The following PAPSS1 variants were observed in gnomAD, a reference collection of about 807,000 sequenced individuals.
PAPSS1 encodes bifunctional 3'-phosphoadenosine 5'-phosphosulfate synthase 1.
A neutral mutation model predicts 72.0 loss-of-function variants in PAPSS1; 50 were observed. The ratio of observed to expected loss-of-function variants is 0.69; its 90% confidence interval spans 0.55 to 0.88. PAPSS1 has a LOEUF of 0.88. Among genes scored for constraint, PAPSS1 ranks in the 40% least tolerant of loss-of-function variants. The pLI is 0.00. For missense variants in PAPSS1, 657 were observed against 782.2 expected, an observed-to-expected ratio of 0.84 and a Z score of 1.91; for synonymous variants, 261 against 263.6, an observed-to-expected ratio of 0.99 and a Z score of 0.09.
chr4:107,656,807 C>T (rs1045306483), intron 7 of PAPSS1, 89 bp downstream of exon 7: 3 of 884,060 alleles, frequency 3.4e-6, no homozygotes, highest in Admixed American at 3.6e-5. Flanking sequence ...AGACGTTACC[C>T]TACTACTTTT....
chr4:107,720,030 G>A (rs1723739641), intron 1 of PAPSS1, 90 bp downstream of exon 1: 6 of 1,560,940 alleles, frequency 3.8e-6, no homozygotes, highest in East Asian at 2.5e-5. Context: ...GGATGGATGC[G>A]GAGGAGGCGG....
intron 2 of PAPSS1, chr4:107,694,387 T>C: frequency 5.8e-6 from 1 of 173,688 alleles, no homozygotes; most frequent in Non-Finnish European, 1.2e-5. Context: ...TCTTTAAGAT[T>C]TACCTCTTGC....
intron 7 of PAPSS1, among the ~76,000 whole-genome samples, chr4:107,656,647 T>C (rs1390413017): frequency 6.6e-6 from 1 of 152,122 alleles, no homozygotes; most frequent in Non-Finnish European, 1.5e-5. Flanking sequence ...TGTTTTACAA[T>C]CCATCCTCAG....
At chr4:107,636,134 A>C (rs1286836351) in intron 10 of PAPSS1, among the ~76,000 whole-genome samples, 1 of 152,214 alleles carries the variant, frequency 6.6e-6, no homozygotes, top group Non-Finnish European at 1.5e-5. Context: ...AAGCAATTTC[A>C]ATTCCAGAAA....
At position 107,654,911 on chromosome 4, in the gene PAPSS1, CA is replaced by C. The variant is rs751438481; in HGVS notation, c.896-12del. ...AGTTAATGACACCTCCTGCAGAGCA[CA>C]AAAGAACATGAAGCACACAGCTTGA... On this transcript the variant is annotated splice_polypyrimidine_tract_variant and intron_variant, in intron 7 of 11. Transcript: ENST00000265174. 7.5e-4 allele frequency: 1,206 copies of C among 1,604,280 alleles called. No individual in the cohort carries two copies. The highest frequency in any genetic ancestry group is 9.2e-4 in the Non-Finnish European group (1,077 of 1,172,020).
At chr4:107,622,528 G>T (rs1725991809) in intron 11 of PAPSS1, among the ~76,000 whole-genome samples, 2 of 152,098 alleles carry the variant, frequency 1.3e-5, no homozygotes, top group African/African-American at 4.8e-5. Flanking sequence ...TCAAAAGAGG[G>T]GCTTATGAAA....
chr4:107,660,269 C>T (rs1727143075), intron 5 of PAPSS1, among the ~76,000 whole-genome samples, 197 bp from the exon 6 acceptor site: 1 of 152,020 alleles, frequency 6.6e-6, no homozygotes, highest in Non-Finnish European at 1.5e-5. Context: ...AGCCCAATGT[C>T]CCATTATCTA....
intron 11 of PAPSS1, among the ~76,000 whole-genome samples, chr4:107,622,329 C>G (rs927205595): frequency 6.6e-6 from 1 of 152,202 alleles, no homozygotes; most frequent in African/African-American, 2.4e-5. Flanking sequence ...CCCCTCCCTT[C>G]TTTCTCCCAG....
At chr4:107,719,848 C>T in intron 1 of PAPSS1, 2 of 1,333,154 alleles carry the variant, frequency 1.5e-6, no homozygotes, top group Non-Finnish European at 1.9e-6. Context: ...CTTACCTGAG[C>T]GGAGGCGCTG....
chr4:107,681,355 G>C (rs925280430), intron 5 of PAPSS1, among the ~76,000 whole-genome samples: 1 of 152,154 alleles, frequency 6.6e-6, no homozygotes, highest in Non-Finnish European at 1.5e-5. Flanking sequence ...CAACTACAGT[G>C]AACTATGTGA....
intron 8 of PAPSS1, 125 bp from the exon 9 acceptor site, chr4:107,653,751 A>T: frequency 3.3e-6 from 2 of 608,850 alleles, no homozygotes; most frequent in Non-Finnish European, 5.1e-6. Flanking sequence ...AATCTGACTT[A>T]TCAACTAAAT....
intron 11 of PAPSS1, among the ~76,000 whole-genome samples, chr4:107,624,701 C>G (rs973491194): frequency 1.3e-5 from 2 of 152,100 alleles, no homozygotes; most frequent in African/African-American, 2.4e-5. Flanking sequence ...TAGGTCTTAT[C>G]TATTAATGAT....
intron 1 of PAPSS1, among the ~76,000 whole-genome samples, chr4:107,707,036 A>C (rs540744532): frequency 2.0e-5 from 3 of 152,286 alleles, no homozygotes; most frequent in Admixed American, 2.0e-4. Context: ...GGTCCACAGA[A>C]ATGGTCTTAC....
chr4:107,656,761 C>T (rs1201280005), intron 7 of PAPSS1, 135 bp downstream of exon 7: 1 of 642,636 alleles, frequency 1.6e-6, no homozygotes, highest in East Asian at 2.7e-5. Context: ...GTGTTCGGTA[C>T]TGATATAACT....
chr4:107,686,100 T>C (rs368059484), intron 4 of PAPSS1, among the ~76,000 whole-genome samples: 6 of 152,220 alleles, frequency 3.9e-5, no homozygotes, highest in African/African-American at 1.2e-4. Flanking sequence ...ATGATTAATA[T>C]CAAAGGCCAG....
At chr4:107,678,392 T>C (rs1211668963) in intron 5 of PAPSS1, among the ~76,000 whole-genome samples, 1 of 151,552 alleles carries the variant, frequency 6.6e-6, no homozygotes, top group Non-Finnish European at 1.5e-5. Context: ...AAAGAGAGCA[T>C]CACCTAACAA....
intron 10 of PAPSS1, among the ~76,000 whole-genome samples, chr4:107,642,209 A>C (rs1276270602): frequency 6.6e-6 from 1 of 152,182 alleles, no homozygotes; most frequent in African/African-American, 2.4e-5. Flanking sequence ...AGGATATTAT[A>C]AGAATTTATT....
rs188502236 is a variant in PAPSS1, at chr4:107,660,418, T to C, written c.670-346A>G. On this transcript the variant is annotated intron_variant, in intron 5 of 11. Transcript: ENST00000265174. ...CAAAAACCACCTGAACCATCATCCT[T>C]ATTATCTTTACCATATCACGAAACC... 3.2e-4 allele frequency among the ~76,000 whole-genome samples: 49 copies of C among 152,280 alleles called. No homozygotes were observed. In the East Asian group the frequency reaches 7.3e-3, roughly 23 times the overall value.
chr4:107,637,666 A>C (rs952240), intron 10 of PAPSS1, among the ~76,000 whole-genome samples: 23,288 of 152,176 alleles, frequency 0.15, 3,222 homozygotes, highest in African/African-American at 0.37. Flanking sequence ...AAGTGTAATA[A>C]ATTTTATTAA....
Sources: allele counts gnomAD v4.1 joint callset (sites outside exome capture counted in the v4.1 genomes callset), GRCh38; gene constraint gnomAD v4.1.1; transcripts MANE v1.5; gene names NCBI Gene and HGNC (gene_info 2026-07-23, HGNC 2026-07-21).